Variants in GPR137C observed in about 807,000 individuals in gnomAD.
The protein encoded by GPR137C is G protein-coupled receptor 137C, also known as integral membrane protein GPR137C.
A neutral mutation model predicts 43.4 loss-of-function variants in GPR137C; 27 were observed. The observed-to-expected ratio is 0.62, with a 90% CI of 0.46 to 0.86. GPR137C has a LOEUF of 0.86. GPR137C is among the 40% of genes least tolerant of loss of function. GPR137C has a pLI of 0.00. For missense variants in GPR137C, 522 were observed against 534.6 expected (o/e 0.98, Z 0.23); for synonymous variants, 285 against 226.9 (o/e 1.26, Z -2.30).
intron 4 of GPR137C, among the ~76,000 whole-genome samples, chr14:52,632,512 G>T (rs1446402587): frequency 6.6e-6 from 1 of 151,970 alleles, no homozygotes; most frequent in Non-Finnish European, 1.5e-5. Context: ...TTCTCTCAAA[G>T]GAGTATTTTC....
At chr14:52,628,152 A>G (rs948821022) in intron 3 of GPR137C, among the ~76,000 whole-genome samples, 9 of 152,334 alleles carry the variant, frequency 5.9e-5, no homozygotes, top group Admixed American at 3.3e-4. Context: ...TGCTACTGAC[A>G]TGAGAAAGAC....
intron 3 of GPR137C, among the ~76,000 whole-genome samples, chr14:52,608,954 G>A (rs2039010484): frequency 1.3e-5 from 2 of 152,048 alleles, no homozygotes; most frequent in South Asian, 4.2e-4. Flanking sequence ...TCCTGTACCT[G>A]GATATTTGTA....
At chr14:52,611,709 C>A in intron 3 of GPR137C, 1 of 400,446 alleles carries the variant, frequency 2.5e-6, no homozygotes, top group Non-Finnish European at 3.4e-6. Flanking sequence ...GTAGTAATAA[C>A]TCAAGGTCTA....
chr14:52,593,647 G>C (rs2038812789), intron 1 of GPR137C, among the ~76,000 whole-genome samples: 1 of 152,172 alleles, frequency 6.6e-6, no homozygotes. Flanking sequence ...TCTGATGGTA[G>C]TTTGTAATTC....
chr14:52,591,736 G>C (rs535153135), intron 1 of GPR137C, among the ~76,000 whole-genome samples: 2 of 152,294 alleles, frequency 1.3e-5, no homozygotes, highest in African/African-American at 2.4e-5. Flanking sequence ...CCCTTTGTCA[G>C]ATGGGTAGAT....
intron 6 of GPR137C, among the ~76,000 whole-genome samples, chr14:52,634,625 A>G (rs2039331742): frequency 6.6e-6 from 1 of 152,182 alleles, no homozygotes; most frequent in South Asian, 2.1e-4. Context: ...ACATACATAC[A>G]TACATACATA....
At chr14:52,567,540 G>C (rs1186616217) in intron 1 of GPR137C, among the ~76,000 whole-genome samples, 1 of 152,012 alleles carries the variant, frequency 6.6e-6, no homozygotes, top group Non-Finnish European at 1.5e-5. Flanking sequence ...TTAGAAATTA[G>C]AAGGATTGGA....
chr14:52,582,832 A>C (rs2038665280), intron 1 of GPR137C, among the ~76,000 whole-genome samples: 1 of 152,116 alleles, frequency 6.6e-6, no homozygotes. Context: ...AAAATGAGAA[A>C]ATCATTTCAA....
At chr14:52,618,097 A>G (rs899454519) in intron 3 of GPR137C, among the ~76,000 whole-genome samples, 2 of 152,172 alleles carry the variant, frequency 1.3e-5, no homozygotes, top group African/African-American at 4.8e-5. Flanking sequence ...ACAGTCACTG[A>G]AAAAAAGGAA....
rs905945150 is a variant in GPR137C at position 52,635,887 on chromosome 14, G to A, written c.*772G>A. On this transcript the variant is annotated 3_prime_UTR_variant, in exon 7 of 7. Transcript: ENST00000321662. The stretch of plus-strand genomic sequence containing the variant: ...CTTGAAGAAAGCAATAGTGACTTTT[G>A]CATAGGGAGATTTTGGTAGAAACTT... 6.6e-6 allele frequency: 1 copy of A among 152,102 alleles called. No homozygotes were observed. The highest frequency in any genetic ancestry group is 1.5e-5 in the Non-Finnish European group (1 of 67,992). The allele number at this position is 152,102 out of a possible 1,614,324, so 9.4% of individuals were successfully genotyped here. A position where few individuals can be genotyped will look rare whatever the true frequency, so the allele number is the denominator to read the frequency against.
chr14:52,602,053 G>A (rs557417767), intron 3 of GPR137C, among the ~76,000 whole-genome samples: 19 of 150,288 alleles, frequency 1.3e-4, no homozygotes, highest in African/African-American at 1.7e-4. Flanking sequence ...ATGTTCAGAC[G>A]TGTTCACCTA....
At chr14:52,568,710 C>T (rs1006509551) in intron 1 of GPR137C, among the ~76,000 whole-genome samples, 5 of 152,242 alleles carry the variant, frequency 3.3e-5, no homozygotes, top group African/African-American at 9.6e-5. Context: ...AACCGCAGCT[C>T]AGCAAAGCCA....
intron 1 of GPR137C, among the ~76,000 whole-genome samples, chr14:52,583,106 A>G (rs915976105): frequency 6.6e-6 from 1 of 152,156 alleles, no homozygotes; most frequent in Non-Finnish European, 1.5e-5. Context: ...ATTAAGAAAG[A>G]GCTGGAAAGA....
At chr14:52,599,180 C>G (rs76778540) in intron 2 of GPR137C, among the ~76,000 whole-genome samples, 3 of 152,162 alleles carry the variant, frequency 2.0e-5, no homozygotes, top group African/African-American at 4.8e-5. Context: ...GCAGCCTTAA[C>G]TGAAGAGTTC....
chr14:52,564,895 TCTTC>T (rs1004613963), intron 1 of GPR137C, among the ~76,000 whole-genome samples: 2 of 152,016 alleles, frequency 1.3e-5, no homozygotes, highest in African/African-American at 4.8e-5. Flanking sequence ...TCTACCCTTT[TCTTC>T]CTTCTCTTTT....
Position 52,604,401 on chromosome 14 carries a change from A to G in GPR137C, c.717+4060A>G, listed in dbSNP as rs1306507210. Among the ~76,000 whole-genome samples, 3 of 150,510 alleles carry G rather than the reference A, an allele frequency of 2.0e-5. 1 individual carries two copies. The highest frequency in any genetic ancestry group is 7.3e-5 in the African/African-American group (3 of 41,024). On this transcript the variant is annotated intron_variant, in intron 3 of 6. Coordinates refer to ENST00000321662, the MANE Select transcript of GPR137C (RefSeq NM_001099652.2). ...GTACTTTCATAGTTTCAGGTCTTAA[A>G]TTTATGTTTTAAATCCATTTTTGTA...
rs576707438 is a variant in GPR137C at position 52,633,782 on chromosome 14, G to A, written c.994-46G>A. ...TTATAGATTCTAGCCTCCTTTCTTA[G>A]TGGAAAAGTAAAACCTTCATATGCT... On this transcript the variant is annotated intron_variant, in intron 5 of 6. Transcript: ENST00000321662. 49 of 1,532,946 alleles carry A rather than the reference G, an allele frequency of 3.2e-5. No individual in the cohort carries two copies. In the South Asian group the frequency reaches 4.6e-4, roughly 14 times the overall value. The allele number at this position is 1,532,946 out of a possible 1,614,324, so 95.0% of individuals were successfully genotyped here. A position where few individuals can be genotyped will look rare whatever the true frequency, so the allele number is the denominator to read the frequency against.
chr14:52,609,337 T>C (rs1471960489), intron 3 of GPR137C, among the ~76,000 whole-genome samples: 2 of 152,224 alleles, frequency 1.3e-5, no homozygotes, highest in African/African-American at 4.8e-5. Context: ...CTGAAGTTCA[T>C]TGACCTTCCT....
At chr14:52,558,787 A>G (rs931811238) in intron 1 of GPR137C, among the ~76,000 whole-genome samples, 3 of 152,220 alleles carry the variant, frequency 2.0e-5, no homozygotes, top group Non-Finnish European at 4.4e-5. Flanking sequence ...AAAAACTGAA[A>G]TGGATGGTTA....
Sources: gnomAD v4.1 joint callset for allele counts (sites outside exome capture counted in the v4.1 genomes callset) on GRCh38, gnomAD v4.1.1 for gene constraint, MANE v1.5 for transcripts, NCBI Gene and HGNC (gene_info 2026-07-23, HGNC 2026-07-21) for gene names.